Variants in NRXN3 observed in about 807,000 individuals in gnomAD.
NRXN3 encodes the protein neurexin III.
Under a neutral mutation model 137.6 loss-of-function variants are expected in NRXN3, and 32 were observed. That is an observed-to-expected ratio of 0.23 (90% CI 0.18 to 0.31). NRXN3 has a LOEUF of 0.31. Ranked by LOEUF, NRXN3 falls within the 10% of genes least tolerant of loss-of-function variation. NRXN3 has a pLI of 1.00. For missense variants in NRXN3, 1,574 were observed against 2,062.5 expected (o/e 0.76, Z 4.59); for synonymous variants, 798 against 784.5 (o/e 1.02, Z -0.29).
intron 4 of NRXN3, among the ~76,000 whole-genome samples, chr14:78,348,668 A>G (rs2083076769): frequency 6.6e-6 from 1 of 152,200 alleles, no homozygotes; most frequent in South Asian, 2.1e-4. Context: ...CAGCATCTGT[A>G]TCACTTGGGA....
At chr14:79,547,344 G>A (rs2097330799) in intron 16 of NRXN3, among the ~76,000 whole-genome samples, 2 of 152,214 alleles carry the variant, frequency 1.3e-5, no homozygotes, top group African/African-American at 4.8e-5. Flanking sequence ...AGAATACATT[G>A]TGCATGGCCC....
At chr14:78,219,160 G>GA (rs992058030) in intron 1 of NRXN3, among the ~76,000 whole-genome samples, 11 of 151,830 alleles carry the variant, frequency 7.2e-5, no homozygotes, top group Non-Finnish European at 1.5e-4. Context: ...TTGGTGGGAG[G>GA]GGGGATGCAG....
chr14:78,549,233 T>C (rs998064205), intron 4 of NRXN3, among the ~76,000 whole-genome samples: 6 of 152,338 alleles, frequency 3.9e-5, no homozygotes, highest in Middle Eastern at 3.4e-3. Flanking sequence ...TTCAAGTTTG[T>C]ACAGGATTCA....
At chr14:79,768,294 C>A (rs1333143839) in intron 19 of NRXN3, among the ~76,000 whole-genome samples, 1 of 152,248 alleles carries the variant, frequency 6.6e-6, no homozygotes, top group African/African-American at 2.4e-5. Context: ...GCCTGCCTGC[C>A]TCTGTAGGCT....
chr14:78,945,939 C>T (rs532779699), intron 10 of NRXN3, among the ~76,000 whole-genome samples: 1 of 152,342 alleles, frequency 6.6e-6, no homozygotes, highest in South Asian at 2.1e-4. Flanking sequence ...CACACTATTT[C>T]TGCTCACATT....
chr14:79,188,564 G>A (rs1298236130), intron 15 of NRXN3, among the ~76,000 whole-genome samples: 1 of 152,130 alleles, frequency 6.6e-6, no homozygotes, highest in Non-Finnish European at 1.5e-5. Flanking sequence ...CAAGGCAATT[G>A]AGCCAAGTAA....
rs1225111388 is a variant in NRXN3, at chr14:78,542,402, C to T, written c.758-102718C>T. ...ACTCAAGCCTCAGCAATGGCAGATG[C>T]CCCTCCCCCAGCCAGGCTGCCACCT... is the stretch of plus-strand genomic sequence containing the variant. On this transcript the variant is annotated intron_variant, in intron 4 of 20. Coordinates refer to ENST00000335750, the MANE Select transcript of NRXN3 (RefSeq NM_001330195.2). Among the ~76,000 whole-genome samples the T allele has an allele frequency of 3.3e-5, 5 of 152,336 alleles. No individual in the cohort carries two copies. In the South Asian group the frequency reaches 8.3e-4, roughly 25 times the overall value.
At chr14:78,918,023 C>T (rs1301992399) in intron 10 of NRXN3, among the ~76,000 whole-genome samples, 7 of 144,852 alleles carry the variant, frequency 4.8e-5, no homozygotes, top group Non-Finnish European at 9.0e-5. Context: ...TGGTAGCTCA[C>T]GCCTGTAATC....
chr14:79,217,516 T>C (rs1301223336), intron 15 of NRXN3, among the ~76,000 whole-genome samples: 3 of 152,038 alleles, frequency 2.0e-5, no homozygotes, highest in African/African-American at 7.2e-5. Context: ...ATCCAAACCA[T>C]ATCAAATATC....
intron 16 of NRXN3, among the ~76,000 whole-genome samples, chr14:79,490,687 G>A (rs2096708073): frequency 6.6e-6 from 1 of 151,880 alleles, no homozygotes; most frequent in African/African-American, 2.4e-5. Flanking sequence ...GTGGGGGTTG[G>A]GGGAGGTGGG....
chr14:79,251,928 C>G (rs934285652), intron 15 of NRXN3, among the ~76,000 whole-genome samples: 1 of 151,748 alleles, frequency 6.6e-6, no homozygotes, highest in Admixed American at 6.6e-5. Flanking sequence ...AAGCAATTCT[C>G]TCACTTGAGC....
chr14:79,711,139 G>GTGAT (rs551543892), intron 19 of NRXN3, among the ~76,000 whole-genome samples: 8 of 152,290 alleles, frequency 5.3e-5, no homozygotes, highest in East Asian at 1.9e-4. Flanking sequence ...TTACAATAAA[G>GTGAT]TGATTGAAAC....
intron 15 of NRXN3, among the ~76,000 whole-genome samples, chr14:79,121,300 G>T (rs951881408): frequency 6.6e-6 from 1 of 152,200 alleles, no homozygotes; most frequent in African/African-American, 2.4e-5. Flanking sequence ...GTGAGATCAT[G>T]ATCCCATTGA....
chr14:78,813,988 T>A (rs1198899885), intron 10 of NRXN3, among the ~76,000 whole-genome samples: 3 of 152,220 alleles, frequency 2.0e-5, no homozygotes, highest in East Asian at 1.9e-4. Flanking sequence ...TTCTCTTTTT[T>A]AATACTTTGT....
At chr14:78,481,617 T>C (rs1044175977) in intron 4 of NRXN3, among the ~76,000 whole-genome samples, 1 of 152,184 alleles carries the variant, frequency 6.6e-6, no homozygotes, top group East Asian at 1.9e-4. Flanking sequence ...TGTTTTGAAT[T>C]GCACAGACAG....
intron 19 of NRXN3, among the ~76,000 whole-genome samples, chr14:79,784,023 T>C (rs1384494361): frequency 6.6e-6 from 1 of 152,230 alleles, no homozygotes; most frequent in African/African-American, 2.4e-5. Flanking sequence ...AAATACTCCC[T>C]GAAACCTCTC....
At chr14:78,459,042 C>G (rs1333784483) in intron 4 of NRXN3, among the ~76,000 whole-genome samples, 4 of 152,186 alleles carry the variant, frequency 2.6e-5, no homozygotes, top group Non-Finnish European at 4.4e-5. Flanking sequence ...CCCAAGTAAT[C>G]TTTTCCTTCT....
intron 4 of NRXN3, among the ~76,000 whole-genome samples, chr14:78,345,926 C>T (rs1042067930): frequency 6.6e-6 from 1 of 152,178 alleles, no homozygotes; most frequent in Admixed American, 6.5e-5. Context: ...GTTGTACCTA[C>T]TCTAGCTCTG....
intron 15 of NRXN3, among the ~76,000 whole-genome samples, chr14:79,059,247 A>ATTTTTTTT (rs1555701604): frequency 1.0e-5 from 1 of 95,846 alleles, no homozygotes; most frequent in Non-Finnish European, 2.0e-5. Context: ...TTCAGGCCCT[A>ATTTTTTTT]TTCTTTTTTT....
Sources: allele counts gnomAD v4.1 joint callset (sites outside exome capture counted in the v4.1 genomes callset), GRCh38; gene constraint gnomAD v4.1.1; transcripts MANE v1.5; gene names NCBI Gene and HGNC (gene_info 2026-07-23, HGNC 2026-07-21).